The following LCORL variants were observed in gnomAD, a reference collection of about 807,000 sequenced individuals.
LCORL encodes the protein ligand dependent nuclear receptor corepressor like.
Under a neutral mutation model 141.8 loss-of-function variants are expected in LCORL, and 41 were observed. The ratio of observed to expected loss-of-function variants is 0.29; its 90% confidence interval spans 0.23 to 0.38. The LOEUF (loss-of-function observed/expected upper bound fraction) is 0.38. LCORL is among the 10% of genes least tolerant of loss of function. The pLI is 1.00. For synonymous variants in LCORL, 618 were observed against 694.1 expected, an observed-to-expected ratio of 0.89 and a Z score of 1.72; for missense variants, 1,759 against 2,035.0, an observed-to-expected ratio of 0.86 and a Z score of 2.61.
rs140756850 is a variant in LCORL, at chr4:17,986,164, C to T, written c.155-13279G>A. Among the ~76,000 whole-genome samples, 605 of 152,242 alleles carry T rather than the reference C, an allele frequency of 4.0e-3. 2 individuals are homozygous for T. Among genetic ancestry groups the T allele is most frequent in the Non-Finnish European group, 6.8e-3 (463 of 68,000 alleles). On this transcript the variant is annotated intron_variant, in intron 1 of 7. Coordinates refer to ENST00000635767, the Ensembl canonical transcript of LCORL. ...TGATAGGGTTCCCTTTTGTAAATGA[C>T]CTGCGCTTTCTCTCCAGCTACCTTT...
In LCORL at chr4:18,018,164, T is replaced by C. The variant is rs571162002; in HGVS notation, c.154+3434A>G. On this transcript the variant is annotated intron_variant, in intron 1 of 7. Coordinates refer to ENST00000635767, the Ensembl canonical transcript of LCORL. ...CTGATGATGTTTAAAAATATACAGGTGTATTTATTTTATTCTAGACCTGTT... is the reference window on the plus strand; with the variant it reads ...CTGATGATGTTTAAAAATATACAGGCGTATTTATTTTATTCTAGACCTGTT... Among the ~76,000 whole-genome samples, 6 of 152,194 alleles carry C rather than the reference T, an allele frequency of 3.9e-5. No homozygotes were observed. The South Asian group carries it at 1.0e-3, about 26-fold the overall frequency.
chr4:18,009,587 C>T (rs554788931), intron 1 of LCORL, among the ~76,000 whole-genome samples: 1 of 152,164 alleles, frequency 6.6e-6, no homozygotes, highest in East Asian at 1.9e-4. Flanking sequence ...TCACTTGAGC[C>T]TTAATATACC....
intron 1 of LCORL, among the ~76,000 whole-genome samples, chr4:18,000,774 T>G (rs528821668): frequency 6.6e-6 from 1 of 152,156 alleles, no homozygotes; most frequent in Admixed American, 6.5e-5. Context: ...TGGGAGAGAT[T>G]AGTGACTGGA....
intron 1 of LCORL, among the ~76,000 whole-genome samples, chr4:18,018,641 T>C (rs2109908357): frequency 6.6e-6 from 1 of 152,272 alleles, no homozygotes; most frequent in Non-Finnish European, 1.5e-5. Flanking sequence ...ATTAGAATAT[T>C]ATATGAGTTA....
chr4:17,847,190 G>C (rs957552720), intron 7 of LCORL, among the ~76,000 whole-genome samples: 1 of 152,106 alleles, frequency 6.6e-6, no homozygotes, highest in African/African-American at 2.4e-5. Flanking sequence ...CTATTCAACA[G>C]CTCTCTAATT....
chr4:17,932,940 T>C (rs1736280888), intron 4 of LCORL, among the ~76,000 whole-genome samples: 1 of 152,220 alleles, frequency 6.6e-6, no homozygotes, highest in Non-Finnish European at 1.5e-5. Flanking sequence ...TCTTCATACA[T>C]GAAATAGAAC....
Position 18,021,744 on chromosome 4 carries a change from T to A in LCORL, c.8A>T (p.Lys3Met). Residue 3 changes from lysine (K) to methionine (M), a missense_variant, in exon 1 of 8, where the codon AAG becomes ATG. Around this residue, in one of 5 missense-constraint regions of LCORL, gnomAD observed 86 missense variants for 61.8 expected, o/e 1.39. Coordinates refer to ENST00000635767, the Ensembl canonical transcript of LCORL. This position sits in a 1 kb window ranked among gnomAD's most constrained non-coding sequence, Gnocchi z 5.5. Reference sequence around the variant, plus strand: ...GGCAGCGGCCATTCTCTCTCTTCCCTTGTCCATCTGCGTCCCGCGTCACGC... The same window carrying A: ...GGCAGCGGCCATTCTCTCTCTTCCCATGTCCATCTGCGTCCCGCGTCACGC... 2 of 1,512,104 alleles carry A rather than the reference T, an allele frequency of 1.3e-6. No individual in the cohort carries two copies. Among genetic ancestry groups the A allele is most frequent in the Admixed American group, 2.2e-5 (1 of 45,278 alleles). The allele number at this position is 1,512,104 out of a possible 1,614,324, so 93.7% of individuals were successfully genotyped here. A position where few individuals can be genotyped will look rare whatever the true frequency, so the allele number is the denominator to read the frequency against.
chr4:17,855,761 T>C (rs181319309), intron 7 of LCORL, among the ~76,000 whole-genome samples: 3 of 152,294 alleles, frequency 2.0e-5, no homozygotes, highest in Non-Finnish European at 4.4e-5. Context: ...CACCAGGACA[T>C]ATGAGGGAGC....
intron 1 of LCORL, among the ~76,000 whole-genome samples, chr4:17,989,517 T>G (rs1413822596): frequency 6.6e-6 from 1 of 152,192 alleles, no homozygotes; most frequent in Non-Finnish European, 1.5e-5. Flanking sequence ...GTTTATGATT[T>G]CAGATATTGA....
chr4:17,993,338 G>A (rs1247986028), intron 1 of LCORL, among the ~76,000 whole-genome samples: 1 of 152,122 alleles, frequency 6.6e-6, no homozygotes, highest in African/African-American at 2.4e-5. Flanking sequence ...AAGCAGCTGG[G>A]ATTACAGGCA....
At chr4:17,981,167 CT>C (rs745794979) in intron 1 of LCORL, among the ~76,000 whole-genome samples, 13 of 152,122 alleles carry the variant, frequency 8.5e-5, no homozygotes, top group Non-Finnish European at 1.8e-4. Flanking sequence ...GCACTGGAAC[CT>C]TTCATAAACG....
At chr4:17,976,692 AAAAGAC>A (rs1717056321) in intron 1 of LCORL, among the ~76,000 whole-genome samples, 2 of 152,170 alleles carry the variant, frequency 1.3e-5, no homozygotes, top group Admixed American at 1.3e-4. Context: ...CATTTTTCCT[AAAAGAC>A]AAAATCATTT....
exon 8 of LCORL, chr4:17,843,399 C>T (rs1418746819): frequency 2.5e-6 from 4 of 1,611,484 alleles, no homozygotes; most frequent in Non-Finnish European, 3.4e-6. Context: ...TAACCTTGCC[C>T]AATTTCTCAA....
intron 1 of LCORL, among the ~76,000 whole-genome samples, chr4:17,981,368 G>C (rs1383147954): frequency 2.6e-5 from 4 of 152,124 alleles, no homozygotes. Context: ...GTTATCATCA[G>C]ACTTCATATT....
rs554475485 is a variant in LCORL, at chr4:17,997,270, C to T, written c.154+24328G>A. On this transcript the variant is annotated intron_variant, in intron 1 of 7. Transcript: ENST00000635767. ...TCTTACTTGTTGGAATTCGTTGTTA[C>T]CAACACCACATTCTCCAAGCACATT... 5.9e-5 allele frequency among the ~76,000 whole-genome samples: 9 copies of T among 152,242 alleles called. No individual in the cohort carries two copies. The East Asian group carries it at 1.7e-3, about 29-fold the overall frequency.
intron 4 of LCORL, among the ~76,000 whole-genome samples, chr4:17,960,040 G>C (rs1003428166): frequency 6.6e-5 from 10 of 152,182 alleles, no homozygotes; most frequent in Middle Eastern, 3.4e-3. Context: ...TCTCTAAAAT[G>C]ATTTTATTGA....
chr4:17,912,631 G>T, intron 4 of LCORL: 1 of 394,826 alleles, frequency 2.5e-6, no homozygotes, highest in South Asian at 2.0e-5. Flanking sequence ...ACCTGGACTT[G>T]ATGAGAAATC....
intron 1 of LCORL, among the ~76,000 whole-genome samples, chr4:17,988,357 C>T (rs1719374835): frequency 6.6e-6 from 1 of 152,186 alleles, no homozygotes. Flanking sequence ...CTCACTGCAG[C>T]ACTTCCTGGG....
chr4:17,902,377 G>C (rs1177673249), intron 5 of LCORL, among the ~76,000 whole-genome samples: 2 of 152,018 alleles, frequency 1.3e-5, no homozygotes, highest in East Asian at 3.9e-4. Context: ...TATTTTTCAG[G>C]TCGACTAAAA....
Sources: gnomAD v4.1 joint callset for allele counts (sites outside exome capture counted in the v4.1 genomes callset) on GRCh38, gnomAD v4.1.1 for gene constraint, gnomAD v4.1.1 regional missense constraint, Gnocchi (gnomAD v3.1) non-coding constraint, MANE v1.5 for transcripts, NCBI Gene and HGNC (gene_info 2026-07-23, HGNC 2026-07-21) for gene names.